PRKG1: variants seen among roughly 807,000 people sequenced by gnomAD.
PRKG1 encodes the protein protein kinase cGMP-dependent 1, also known as cGMP-dependent protein kinase 1.
Under a neutral mutation model 88.1 loss-of-function variants are expected in PRKG1, and 35 were observed. The observed-to-expected ratio is 0.40, with a 90% confidence interval of 0.30 to 0.53. The LOEUF (loss-of-function observed/expected upper bound fraction) is 0.53, where lower values mean the gene tolerates loss of function less well. Ranked by LOEUF, PRKG1 falls within the 20% of genes least tolerant of loss-of-function variation. PRKG1 has a pLI of 0.59. For missense variants in PRKG1, 540 were observed against 839.8 expected, an observed-to-expected ratio of 0.64 and a Z score of 4.41; for synonymous variants, 303 against 292.5, an observed-to-expected ratio of 1.04 and a Z score of -0.37.
rs10996059 is a variant in PRKG1 at position 51,204,521 on chromosome 10, C to G, written c.478+51191C>G. 1.6e-3 allele frequency among the ~76,000 whole-genome samples: 247 copies of G among 152,144 alleles called. 1 individual carries two copies. The highest frequency in any genetic ancestry group is 5.7e-3 in the African/African-American group (236 of 41,500). On this transcript the variant is annotated intron_variant, in intron 2 of 17. Coordinates refer to ENST00000373980, the MANE Select transcript of PRKG1 (RefSeq NM_006258.4). Reference sequence around the variant, plus strand: ...ATGCTTTTTGTCAGGCCATTTTTAACAGGATCTTTTCATAGTTAGAGAATC... The same window carrying G: ...ATGCTTTTTGTCAGGCCATTTTTAAGAGGATCTTTTCATAGTTAGAGAATC...
intron 3 of PRKG1, among the ~76,000 whole-genome samples, chr10:51,784,560 A>G (rs1589284013): frequency 6.6e-6 from 1 of 152,276 alleles, no homozygotes; most frequent in African/African-American, 2.4e-5. Flanking sequence ...GAAAAAAATC[A>G]GTTCCAGTGT....
At chr10:51,314,747 C>G (rs955002698) in intron 2 of PRKG1, among the ~76,000 whole-genome samples, 3 of 152,162 alleles carry the variant, frequency 2.0e-5, no homozygotes, top group African/African-American at 7.2e-5. Flanking sequence ...TGTTTCTGAG[C>G]TGCCCATTGG....
At chr10:51,364,370 C>G (rs1842546846) in intron 2 of PRKG1, among the ~76,000 whole-genome samples, 1 of 151,920 alleles carries the variant, frequency 6.6e-6, no homozygotes, top group South Asian at 2.1e-4. Flanking sequence ...CACACAATAT[C>G]CTTCAGAGAT....
At chr10:51,101,268 C>T (rs1419412465) in intron 1 of PRKG1, among the ~76,000 whole-genome samples, 1 of 152,132 alleles carries the variant, frequency 6.6e-6, no homozygotes, top group East Asian at 1.9e-4. Context: ...AGGTCTCTTG[C>T]TCTTTCTCTT....
intron 1 of PRKG1, among the ~76,000 whole-genome samples, chr10:51,041,132 G>C (rs1312482818): frequency 2.0e-5 from 3 of 151,950 alleles, no homozygotes; most frequent in Non-Finnish European, 4.4e-5. Flanking sequence ...GCACTGCCTG[G>C]CTATCACTGA....
At chr10:51,257,280 A>G (rs1839589771) in intron 2 of PRKG1, among the ~76,000 whole-genome samples, 1 of 151,866 alleles carries the variant, frequency 6.6e-6, no homozygotes, top group East Asian at 1.9e-4. Context: ...GTGCAAATGC[A>G]TTTTAAGTTT....
chr10:52,204,856 A>AT (rs1839774516), intron 9 of PRKG1, among the ~76,000 whole-genome samples: 1 of 152,160 alleles, frequency 6.6e-6, no homozygotes, highest in African/African-American at 2.4e-5. Context: ...AACAAGGGAG[A>AT]TAAAGTCTGG....
intron 2 of PRKG1, among the ~76,000 whole-genome samples, chr10:51,276,692 G>C (rs935412350): frequency 6.6e-6 from 1 of 152,246 alleles, no homozygotes; most frequent in Admixed American, 6.5e-5. Flanking sequence ...CTGTGGTTTT[G>C]ATTTGCATTT....
intron 3 of PRKG1, among the ~76,000 whole-genome samples, chr10:51,598,570 T>C (rs964717050): frequency 2.6e-5 from 4 of 152,226 alleles, no homozygotes; most frequent in Non-Finnish European, 5.9e-5. Context: ...CCCAAGACTT[T>C]TAATATTATA....
chr10:51,930,697 G>A (rs1444577651), intron 5 of PRKG1, among the ~76,000 whole-genome samples: 1 of 151,770 alleles, frequency 6.6e-6, no homozygotes, highest in Non-Finnish European at 1.5e-5. Flanking sequence ...CACCATGTTG[G>A]CCAGGCTGGT....
At chr10:51,013,611 C>G (rs1589106777) in intron 1 of PRKG1, among the ~76,000 whole-genome samples, 2 of 152,094 alleles carry the variant, frequency 1.3e-5, no homozygotes, top group East Asian at 1.9e-4. Context: ...AGGATGGTCT[C>G]TATCTCCTGA....
chr10:51,008,072 G>T (rs1842958608), intron 1 of PRKG1, among the ~76,000 whole-genome samples: 1 of 152,134 alleles, frequency 6.6e-6, no homozygotes, highest in South Asian at 2.1e-4. Flanking sequence ...TCAACAGCAG[G>T]AACATAGGGG....
intron 2 of PRKG1, among the ~76,000 whole-genome samples, chr10:51,397,125 ATTT>A (rs35688462): frequency 2.3e-4 from 29 of 126,052 alleles, no homozygotes; most frequent in East Asian, 7.0e-4. Flanking sequence ...ATTACTGAGT[ATTT>A]TTTTTTTTTT....
At chr10:51,114,092 A>G (rs1048653552) in intron 1 of PRKG1, among the ~76,000 whole-genome samples, 2 of 152,098 alleles carry the variant, frequency 1.3e-5, no homozygotes, top group African/African-American at 4.8e-5. Context: ...CTTCCAGTAT[A>G]TAGCTTCACT....
At chr10:51,875,780 G>C (rs370700258) in intron 4 of PRKG1, among the ~76,000 whole-genome samples, 5 of 152,206 alleles carry the variant, frequency 3.3e-5, no homozygotes, top group African/African-American at 1.2e-4. Flanking sequence ...CACAACTCTG[G>C]GGGGAAACAT....
intron 4 of PRKG1, among the ~76,000 whole-genome samples, chr10:51,820,005 T>G (rs7903427): frequency 0.21 from 31,703 of 151,914 alleles, 5,276 homozygotes; most frequent in African/African-American, 0.46. Context: ...TAAAAAAGAT[T>G]TTAAAAATTA....
At chr10:51,244,839 T>G (rs542235222) in intron 2 of PRKG1, 1 of 150,670 alleles carries the variant, frequency 6.6e-6, no homozygotes, top group Non-Finnish European at 1.5e-5. Flanking sequence ...TGAGGTTACC[T>G]TATCATTTTT....
At chr10:51,804,347 A>C (rs1839250651) in intron 3 of PRKG1, among the ~76,000 whole-genome samples, 1 of 152,140 alleles carries the variant, frequency 6.6e-6, no homozygotes, top group Non-Finnish European at 1.5e-5. Flanking sequence ...GGCAACAGGA[A>C]TCTTCCTAGT....
intron 3 of PRKG1, among the ~76,000 whole-genome samples, chr10:51,583,398 T>C (rs1198555176): frequency 1.3e-5 from 2 of 152,168 alleles, no homozygotes; most frequent in East Asian, 1.9e-4. Context: ...ATCTCATCAT[T>C]GTTTAGTCTT....
Sources: allele counts gnomAD v4.1 joint callset (sites outside exome capture counted in the v4.1 genomes callset), GRCh38; gene constraint gnomAD v4.1.1; transcripts MANE v1.5; gene names NCBI Gene and HGNC (gene_info 2026-07-23, HGNC 2026-07-21).